CHRM2: variants seen among roughly 807,000 people sequenced by gnomAD.
CHRM2 encodes muscarinic acetylcholine receptor M2.
A neutral mutation model predicts 25.0 loss-of-function variants in CHRM2; 8 were observed. That is an observed-to-expected ratio of 0.32 (90% CI 0.19 to 0.58). CHRM2 has a LOEUF of 0.58. CHRM2 is among the 20% of genes least tolerant of loss of function. The pLI is 0.88. For missense variants in CHRM2, 440 were observed against 567.1 expected, an observed-to-expected ratio of 0.78 and a Z score of 2.28; for synonymous variants, 202 against 205.7, an observed-to-expected ratio of 0.98 and a Z score of 0.15.
At position 137,017,022 on chromosome 7, in the gene CHRM2, C is replaced by T. The variant is rs556407359; in HGVS notation, c.*756C>T. On this transcript the variant is annotated 3_prime_UTR_variant, in exon 4 of 4. Transcript: ENST00000680005. ...AGCCATGAAAATGGACGTTTCACCCCTCCTCACTGTGTCCTTTGCATTCGT... is the reference window on the plus strand; with the variant it reads ...AGCCATGAAAATGGACGTTTCACCCTTCCTCACTGTGTCCTTTGCATTCGT... 1.8e-5 allele frequency: 3 copies of T among 164,962 alleles called. No homozygotes were observed. The highest frequency in any genetic ancestry group is 4.1e-4 in the South Asian group (2 of 4,826). 10.2% of individuals were successfully genotyped at this position (164,962 alleles called of 1,614,324 possible). A position where few individuals can be genotyped will look rare whatever the true frequency, so the allele number is the denominator to read the frequency against.
chr7:136,983,502 G>A (rs1455790514), intron 2 of CHRM2, among the ~76,000 whole-genome samples: 1 of 152,168 alleles, frequency 6.6e-6, no homozygotes, highest in East Asian at 1.9e-4. Context: ...TCCTGTGGAG[G>A]AGAAGAAGTG....
At chr7:136,980,520 C>A (rs2194522) in intron 2 of CHRM2, among the ~76,000 whole-genome samples, 1 of 152,030 alleles carries the variant, frequency 6.6e-6, no homozygotes, top group African/African-American at 2.4e-5. Flanking sequence ...TTGTCTTCTG[C>A]CAGTTTTCAA....
At chr7:136,986,655 T>C (rs1219909084) in intron 2 of CHRM2, among the ~76,000 whole-genome samples, 1 of 152,204 alleles carries the variant, frequency 6.6e-6, no homozygotes. Flanking sequence ...AATATTTATC[T>C]TGTTAAAAAT....
At chr7:136,942,372 C>A (rs1799823663) in intron 2 of CHRM2, among the ~76,000 whole-genome samples, 1 of 152,150 alleles carries the variant, frequency 6.6e-6, no homozygotes, top group African/African-American at 2.4e-5. Flanking sequence ...CAGAAGCTCA[C>A]CCTCCTCCTT....
intron 2 of CHRM2, among the ~76,000 whole-genome samples, chr7:136,954,658 A>C (rs1386019214): frequency 1.3e-5 from 2 of 152,184 alleles, no homozygotes; most frequent in African/African-American, 4.8e-5. Context: ...AAAATATGAA[A>C]GACTTTTGAA....
At chr7:136,871,620 G>GA (rs140137379) in intron 2 of CHRM2, 20,040 of 152,518 alleles carry the variant, frequency 0.13, 1,478 homozygotes, top group Non-Finnish European at 0.17. Flanking sequence ...TCATTGATAA[G>GA]AAAAAAAGAG....
chr7:136,943,081 G>T (rs1799867254), intron 2 of CHRM2, among the ~76,000 whole-genome samples: 1 of 152,086 alleles, frequency 6.6e-6, no homozygotes, highest in Non-Finnish European at 1.5e-5. Flanking sequence ...CCTTTCTTTG[G>T]ATACCTCCAG....
At chr7:136,881,349 C>T (rs1224795230) in intron 2 of CHRM2, among the ~76,000 whole-genome samples, 1 of 151,686 alleles carries the variant, frequency 6.6e-6, no homozygotes, top group Admixed American at 6.6e-5. Flanking sequence ...CTTTTTAGCA[C>T]TGAATGACAG....
At chr7:137,002,932 GC>G in intron 3 of CHRM2, among the ~76,000 whole-genome samples, 1 of 151,950 alleles carries the variant, frequency 6.6e-6, no homozygotes, top group Non-Finnish European at 1.5e-5. Flanking sequence ...TATATTATGT[GC>G]CTTTTTAAAA....
In CHRM2 at chr7:137,017,276, T is replaced by TA. The variant is rs1011511622; in HGVS notation, c.*1016dup. The TA allele has an allele frequency of 2.5e-4, 38 of 152,078 alleles. 1 individual carries two copies. The highest frequency in any genetic ancestry group is 8.7e-4 in the African/African-American group (36 of 41,536). 9.4% of individuals were successfully genotyped at this position (152,078 alleles called of 1,614,324 possible). A position where few individuals can be genotyped will look rare whatever the true frequency, so the allele number is the denominator to read the frequency against. On this transcript the variant is annotated 3_prime_UTR_variant, in exon 4 of 4. Coordinates refer to ENST00000680005, the MANE Select transcript of CHRM2 (RefSeq NM_001006630.2). ...ATTAAAGTCAGGTGAATTTTAAGAT[T>TA]AAAAAATAGAAGTTTAGGACTTTCT...
At chr7:136,956,048 C>T (rs1800703800) in intron 2 of CHRM2, among the ~76,000 whole-genome samples, 1 of 151,896 alleles carries the variant, frequency 6.6e-6, no homozygotes, top group African/African-American at 2.4e-5. Flanking sequence ...AGAAGTAACT[C>T]AGAAGGAAAA....
chr7:136,975,067 T>C (rs1328420124), intron 2 of CHRM2, among the ~76,000 whole-genome samples: 1 of 152,204 alleles, frequency 6.6e-6, no homozygotes, highest in African/African-American at 2.4e-5. Context: ...CAAGACAGTA[T>C]ATAATTAGTT....
At chr7:136,971,165 T>C (rs937126526) in intron 2 of CHRM2, among the ~76,000 whole-genome samples, 1 of 152,178 alleles carries the variant, frequency 6.6e-6, no homozygotes, top group East Asian at 1.9e-4. Flanking sequence ...AGAGATCATC[T>C]AGATCAATTT....
At chr7:137,004,375 A>G (rs543817401) in intron 3 of CHRM2, among the ~76,000 whole-genome samples, 2 of 152,268 alleles carry the variant, frequency 1.3e-5, no homozygotes, top group African/African-American at 4.8e-5. Context: ...CATAGTCCAC[A>G]TGGAACATAC....
chr7:136,875,544 C>G (rs146241241), intron 2 of CHRM2, among the ~76,000 whole-genome samples: 1 of 152,220 alleles, frequency 6.6e-6, no homozygotes, highest in East Asian at 1.9e-4. Context: ...TGAACTATCA[C>G]CAGAGCCATA....
intron 2 of CHRM2, among the ~76,000 whole-genome samples, chr7:136,932,796 G>A (rs1354754778): frequency 3.9e-5 from 6 of 152,106 alleles, no homozygotes; most frequent in Admixed American, 6.6e-5. Flanking sequence ...TTGGGAGGCC[G>A]AGGCAGGTGG....
In CHRM2 at chr7:137,016,571, T is replaced by G. The variant is rs1330789011; in HGVS notation, c.*305T>G. 6 of 365,608 alleles carry G rather than the reference T, an allele frequency of 1.6e-5. No individual in the cohort carries two copies. The allele number at this position is 365,608 out of a possible 1,614,324, so 22.6% of individuals were successfully genotyped here. A position where few individuals can be genotyped will look rare whatever the true frequency, so the allele number is the denominator to read the frequency against. ...AAGAAGGGCTTCTGATTCTACAATT[T>G]TATCAGTCTCTGCACAAGAGGAATA... On this transcript the variant is annotated 3_prime_UTR_variant, in exon 4 of 4. Coordinates refer to ENST00000680005, the MANE Select transcript of CHRM2 (RefSeq NM_001006630.2).
chr7:136,890,933 CTTCT>C (rs1280693913), intron 2 of CHRM2, among the ~76,000 whole-genome samples: 19 of 151,988 alleles, frequency 1.3e-4, no homozygotes, highest in African/African-American at 4.3e-4. Flanking sequence ...TTGTTGCTTC[CTTCT>C]GTTACATTCA....
chr7:136,929,231 C>A (rs570676427), intron 2 of CHRM2, among the ~76,000 whole-genome samples: 69 of 151,726 alleles, frequency 4.5e-4, no homozygotes, highest in African/African-American at 1.5e-3. Flanking sequence ...ACTTTTGGAA[C>A]CTTCTCCTTG....
Sources: gnomAD v4.1 joint callset for allele counts (sites outside exome capture counted in the v4.1 genomes callset) on GRCh38, gnomAD v4.1.1 for gene constraint, MANE v1.5 for transcripts, NCBI Gene and HGNC (gene_info 2026-07-23, HGNC 2026-07-21) for gene names.